Variants in HS6ST2 observed in about 807,000 individuals in gnomAD.
The protein encoded by HS6ST2 is heparan-sulfate 6-O-sulfotransferase 2.
A neutral mutation model predicts 33.0 loss-of-function variants in HS6ST2; 17 were observed. The observed-to-expected ratio is 0.52, with a 90% CI of 0.35 to 0.77. The LOEUF is 0.77. Ranked by LOEUF, HS6ST2 falls within the 30% of genes least tolerant of loss-of-function variation. The pLI is 0.01. For missense variants in HS6ST2, 519 were observed against 551.7 expected, an observed-to-expected ratio of 0.94 and a Z score of 0.59; for synonymous variants, 248 against 237.1, an observed-to-expected ratio of 1.05 and a Z score of -0.42.
intron 2 of HS6ST2, among the ~76,000 whole-genome samples, chrX:132,843,946 G>T (rs1278683855): frequency 1.8e-5 from 2 of 112,005 alleles, no homozygotes; most frequent in African/African-American, 3.2e-5. Flanking sequence ...TTAGGGAGCA[G>T]AGAACAAACA....
chrX:132,777,249 G>A (rs2064969633), intron 2 of HS6ST2, among the ~76,000 whole-genome samples: 1 of 107,994 alleles, frequency 9.3e-6, no homozygotes, highest in African/African-American at 3.4e-5. Context: ...GTCTGAGCAG[G>A]AACATTGGCA....
chrX:132,705,900 C>A (rs1484336334), intron 3 of HS6ST2, among the ~76,000 whole-genome samples: 1 of 111,975 alleles, frequency 8.9e-6, no homozygotes, highest in Non-Finnish European at 1.9e-5. Flanking sequence ...TAGAACATCT[C>A]CTTTCACACA....
chrX:132,731,815 C>A (rs942974015), intron 2 of HS6ST2, among the ~76,000 whole-genome samples: 1 of 109,729 alleles, frequency 9.1e-6, no homozygotes, highest in African/African-American at 3.3e-5. Context: ...CCACTGCACT[C>A]CAGCCTGGGT....
At chrX:132,645,534 G>A (rs1411533407) in intron 4 of HS6ST2, among the ~76,000 whole-genome samples, 4 of 112,447 alleles carry the variant, frequency 3.6e-5, no homozygotes, top group Admixed American at 2.8e-4. Context: ...TTGAAGTCCT[G>A]TTGTTCCCCT....
intron 2 of HS6ST2, among the ~76,000 whole-genome samples, chrX:132,762,810 C>A (rs906669412): frequency 4.5e-5 from 5 of 111,136 alleles, no homozygotes; most frequent in African/African-American, 1.3e-4. Flanking sequence ...TTTTCCTATT[C>A]TTAATGTTTT....
chrX:132,935,876 A>G (rs1280478688), intron 2 of HS6ST2, among the ~76,000 whole-genome samples: 1 of 110,144 alleles, frequency 9.1e-6, no homozygotes, highest in African/African-American at 3.3e-5. Context: ...TTTTGAAAAT[A>G]TAGGCATTTA....
intron 2 of HS6ST2, among the ~76,000 whole-genome samples, chrX:132,836,261 G>A (rs1475746366): frequency 5.3e-5 from 6 of 112,344 alleles, no homozygotes; most frequent in African/African-American, 3.2e-5. Flanking sequence ...CATAGTCCTC[G>A]CCTTCAAGGA....
intron 2 of HS6ST2, among the ~76,000 whole-genome samples, chrX:132,915,225 T>A (rs748852750): frequency 1.8e-5 from 2 of 112,081 alleles, no homozygotes; most frequent in Non-Finnish European, 3.8e-5. Flanking sequence ...AAACACCCAA[T>A]GCTCAGTATA....
chrX:132,869,879 A>T (rs376313927), intron 2 of HS6ST2, among the ~76,000 whole-genome samples: 1 of 111,659 alleles, frequency 9.0e-6, no homozygotes, highest in South Asian at 3.8e-4. Flanking sequence ...CCCTCTCTCA[A>T]CACTTCTATT....
intron 2 of HS6ST2, among the ~76,000 whole-genome samples, chrX:132,856,586 A>G (rs750585449): frequency 8.9e-6 from 1 of 111,988 alleles, no homozygotes; most frequent in African/African-American, 3.2e-5. Context: ...TGTTTTTTCA[A>G]TAATGACCAA....
At position 132,958,177 on chromosome X, in the gene HS6ST2, G is replaced by A. The variant is rs1422792921; in HGVS notation, c.426C>T (p.Ala142=). ...CCCCGCTTTCACCTAGAACGTACCT[G>A]GCCATGGGGCCGAAAATCTTGGAGA... The part of the protein sequence containing the change: ...AIFSKIFGPM[A]SVGNMDEKSN... Residue 142 remains alanine, a splice_region_variant and synonymous_variant, in exon 1 of 5, where the codon GCC becomes GCT. Transcript: ENST00000370833. 14 of 1,139,244 alleles carry A rather than the reference G, an allele frequency of 1.2e-5. No individual in the cohort carries two copies. The highest frequency in any genetic ancestry group is 3.6e-5 in the African/African-American group (2 of 55,617). 93.9% of individuals were successfully genotyped at this position (1,139,244 alleles called of 1,213,427 possible).
At chrX:132,636,484 T>C (rs1041154763) in intron 4 of HS6ST2, among the ~76,000 whole-genome samples, 2 of 111,968 alleles carry the variant, frequency 1.8e-5, no homozygotes, top group African/African-American at 6.5e-5. Context: ...TATTCTCCTT[T>C]TAATAGACCA....
At chrX:132,913,524 C>T (rs753232487) in intron 2 of HS6ST2, among the ~76,000 whole-genome samples, 1 of 112,479 alleles carries the variant, frequency 8.9e-6, no homozygotes, top group Non-Finnish European at 1.9e-5. Flanking sequence ...GCAGCATGCC[C>T]GGCCCAGCTG....
At chrX:132,870,343 C>T (rs775038077) in intron 2 of HS6ST2, among the ~76,000 whole-genome samples, 6 of 111,469 alleles carry the variant, frequency 5.4e-5, no homozygotes, top group East Asian at 2.8e-4. Context: ...CCATACTGCC[C>T]GAAGTAATTT....
chrX:132,678,305 G>T (rs1602571440), intron 3 of HS6ST2, among the ~76,000 whole-genome samples: 1 of 112,163 alleles, frequency 8.9e-6, no homozygotes, highest in African/African-American at 3.2e-5. Context: ...GCAGTGAGCT[G>T]TGATTGCACC....
intron 2 of HS6ST2, among the ~76,000 whole-genome samples, chrX:132,722,884 C>CAAAAAAAAAA (rs144182974): frequency 1.2e-5 from 1 of 82,298 alleles, no homozygotes; most frequent in Non-Finnish European, 2.4e-5. Context: ...AATAAAAAAA[C>CAAAAAAAAAA]AAAAAAAAAA....
chrX:132,698,704 C>T (rs2148237716), intron 3 of HS6ST2, among the ~76,000 whole-genome samples: 1 of 111,430 alleles, frequency 9.0e-6, no homozygotes, highest in East Asian at 2.8e-4. Flanking sequence ...GATAAGTTTG[C>T]CCCACAATGA....
intron 3 of HS6ST2, among the ~76,000 whole-genome samples, chrX:132,689,434 T>A (rs2064043676): frequency 9.0e-6 from 1 of 111,583 alleles, no homozygotes. Context: ...AAAAGTGTCC[T>A]CAAACAGTCT....
intron 3 of HS6ST2, among the ~76,000 whole-genome samples, chrX:132,681,470 A>G (rs1271420092): frequency 9.0e-6 from 1 of 111,691 alleles, no homozygotes; most frequent in Admixed American, 9.5e-5. Flanking sequence ...AAACGTCAAG[A>G]AAGTCTTGGC....
Sources: gnomAD v4.1 joint callset for allele counts (sites outside exome capture counted in the v4.1 genomes callset) on GRCh38, gnomAD v4.1.1 for gene constraint, MANE v1.5 for transcripts, NCBI Gene and HGNC (gene_info 2026-07-23, HGNC 2026-07-21) for gene names.